Variants in BLVRB observed in about 807,000 individuals in gnomAD.
BLVRB encodes biliverdin reductase B.
Under a neutral mutation model 21.1 loss-of-function variants are expected in BLVRB, and 25 were observed. That is an observed-to-expected ratio of 1.19 (90% CI 0.86 to 1.66). The LOEUF (loss-of-function observed/expected upper bound fraction) is 1.66. BLVRB is among the 40% of genes most tolerant of loss of function. The pLI, the probability that BLVRB is intolerant of heterozygous loss-of-function variation, is 0.00. For missense variants in BLVRB, 274 were observed against 282.7 expected, an observed-to-expected ratio of 0.97 and a Z score of 0.22; for synonymous variants, 128 against 122.2, an observed-to-expected ratio of 1.05 and a Z score of -0.31.
At chr19:40,464,221 G>A (rs2079800675) in intron 1 of BLVRB, among the ~76,000 whole-genome samples, 1 of 151,982 alleles carries the variant, frequency 6.6e-6, no homozygotes, top group South Asian at 2.1e-4. Flanking sequence ...GAGTAGCTGG[G>A]ACTACAGGCA....
chr19:40,450,860 A>ATCTG (rs1314402909), intron 4 of BLVRB, among the ~76,000 whole-genome samples: 1 of 151,176 alleles, frequency 6.6e-6, no homozygotes, highest in East Asian at 2.0e-4. Context: ...CTATCTATCT[A>ATCTG]TCTATCTATC....
rs2079772536 is a variant in BLVRB, at chr19:40,458,477, C to CGTGG, written c.144_147dup (p.Val50ProfsTer32). The CGTGG allele has an allele frequency of 6.2e-7, 1 of 1,608,614 alleles. No individual in the cohort carries two copies. The highest frequency in any genetic ancestry group is 1.3e-5 in the African/African-American group (1 of 74,972). On this transcript the variant is annotated frameshift_variant, in exon 2 of 5. Transcript: ENST00000263368. LOFTEE classifies it high-confidence loss of function. The stretch of plus-strand genomic sequence containing the variant: ...GCCTGCAGAACATCTCCCACTACCA[C>CGTGG]GTGGGCCGGCCGGGGCCCCTCTGAT...
At position 40,449,558 on chromosome 19, in the gene BLVRB, A is replaced by C. The variant is rs948445347; in HGVS notation, c.464-1512T>G. Among the ~76,000 whole-genome samples, 65 of 152,206 alleles carry C rather than the reference A, an allele frequency of 4.3e-4. 1 individual carries two copies. The highest frequency in any genetic ancestry group is 1.5e-3 in the African/African-American group (64 of 41,530). Reference sequence around the variant, plus strand: ...ACCACGCTGGCCTGACAGTTGGGGAAATTTTACTACGGAGTGGATACTAAA... The same window carrying C: ...ACCACGCTGGCCTGACAGTTGGGGACATTTTACTACGGAGTGGATACTAAA... On this transcript the variant is annotated intron_variant, in intron 4 of 4. Coordinates refer to ENST00000263368, the MANE Select transcript of BLVRB (RefSeq NM_000713.3).
Position 40,458,196 on chromosome 19 carries a change from A to G in BLVRB, c.293T>C (p.Met98Thr), listed in dbSNP as rs1043786163. The G allele has an allele frequency of 1.2e-6, 2 of 1,613,214 alleles. No homozygotes were observed. The highest frequency in any genetic ancestry group is 8.5e-7 in the Non-Finnish European group (1 of 1,179,592). ...GACCTTGTCCACACCATGAGCCTTC[A>G]TGGCTGCCACAATGTTCCGGGCGCC... is the stretch of plus-strand genomic sequence containing the variant. ...SEGARNIVAA[M>T]KAHGVDKVVA... The change falls in exon 3 of 5, where the codon ATG becomes ACG. Residue 98 changes from methionine to threonine, a missense_variant. By Grantham distance (81) the Met-to-Thr change is moderately conservative. Transcript: ENST00000263368.
At position 40,465,731 on chromosome 19, in the gene BLVRB, G is replaced by A. The variant is rs773024145; in HGVS notation, c.-43C>T. On this transcript the variant is annotated 5_prime_UTR_variant, in exon 1 of 5. Coordinates refer to ENST00000263368, the MANE Select transcript of BLVRB (RefSeq NM_000713.3). Reference sequence around the variant, plus strand: ...GTGCAAGGCCTCAGAGTCTCGGCACGCGCGGGAACCCACTGGCTGCTGGGC... The same window carrying A: ...GTGCAAGGCCTCAGAGTCTCGGCACACGCGGGAACCCACTGGCTGCTGGGC... The A allele has an allele frequency of 4.4e-6, 7 of 1,597,406 alleles. No homozygotes were observed. The East Asian group carries it at 1.1e-4, about 26-fold the overall frequency.
chr19:40,454,704 C>T (rs1028805157), intron 3 of BLVRB, among the ~76,000 whole-genome samples: 1 of 152,182 alleles, frequency 6.6e-6, no homozygotes, highest in East Asian at 1.9e-4. Context: ...CGCCGCCACG[C>T]CTGGCTAATT....
intron 3 of BLVRB, among the ~76,000 whole-genome samples, chr19:40,455,674 G>A (rs1223639856): frequency 6.6e-6 from 1 of 152,132 alleles, no homozygotes; most frequent in Non-Finnish European, 1.5e-5. Context: ...TTCCGGCCTG[G>A]GTGACAGAAT....
At position 40,458,468 on chromosome 19, in the gene BLVRB, C is replaced by T; in HGVS notation, c.157G>A (p.Gly53Arg). ...EGPRPAHVVV[G>R]DVLQAADVDK... ...ACATCGGCTGCCTGCAGAACATCTC[C>T]CACTACCACGTGGGCCGGCCGGGGC... is the stretch of plus-strand genomic sequence containing the variant. The change falls in exon 2 of 5, where the codon GGA becomes AGA. Residue 53 changes from glycine (G) to arginine (R), a missense_variant. Transcript: ENST00000263368. The T allele has an allele frequency of 1.2e-6, 2 of 1,606,106 alleles. No individual in the cohort carries two copies. Among genetic ancestry groups the T allele is most frequent in the Non-Finnish European group, 1.7e-6 (2 of 1,176,964 alleles).
chr19:40,448,009 C>T lies in BLVRB; in HGVS notation c.501G>A (p.Leu167=), dbSNP rs1452468774. Residue 167 remains leucine, a synonymous_variant, in exon 5 of 5, where the codon CTG becomes CTA. Coordinates refer to ENST00000263368, the MANE Select transcript of BLVRB (RefSeq NM_000713.3). The part of the protein sequence containing the change: ...QPLTGAYTVT[L]DGRGPSRVIS... ...TGACCCTTGAGGGCCCTCGTCCATC[C>T]AGGGTCACTGTGTACGCCCCAGTTA... The T allele has an allele frequency of 3.1e-6, 5 of 1,614,046 alleles. No homozygotes were observed. The highest frequency in any genetic ancestry group is 4.2e-6 in the Non-Finnish European group (5 of 1,180,002).
At chr19:40,454,844 T>A (rs1424625116) in intron 3 of BLVRB, among the ~76,000 whole-genome samples, 1 of 145,036 alleles carries the variant, frequency 6.9e-6, no homozygotes, top group Admixed American at 6.9e-5. Flanking sequence ...AGCACCCGGC[T>A]GTTTTGTTGT....
intron 3 of BLVRB, among the ~76,000 whole-genome samples, chr19:40,452,429 T>C (rs919553305): frequency 6.6e-6 from 1 of 151,876 alleles, no homozygotes; most frequent in Non-Finnish European, 1.5e-5. Context: ...CCTCCTGCCT[T>C]AGCCTCCTGA....
At chr19:40,465,525 T>A in intron 1 of BLVRB, 85 bp downstream of exon 1, 2 of 1,512,524 alleles carry the variant, frequency 1.3e-6, no homozygotes, top group Non-Finnish European at 1.8e-6. Context: ...ATGGCCCCAA[T>A]CAGCCTCGGC....
intron 3 of BLVRB, among the ~76,000 whole-genome samples, chr19:40,457,085 A>G (rs2079765013): frequency 6.6e-6 from 1 of 150,836 alleles, no homozygotes; most frequent in Non-Finnish European, 1.5e-5. Context: ...TGCAGTGGGG[A>G]GGATCACTTG....
At position 40,465,714 on chromosome 19, in the gene BLVRB, C is replaced by A; in HGVS notation, c.-26G>T. The A allele has an allele frequency of 6.2e-7, 1 of 1,609,330 alleles. No homozygotes were observed. The highest frequency in any genetic ancestry group is 8.5e-7 in the Non-Finnish European group (1 of 1,177,472). On this transcript the variant is annotated 5_prime_UTR_variant, in exon 1 of 5. Transcript: ENST00000263368. ...CGTACGGGATCGTGGGGGTGCAAGG[C>A]CTCAGAGTCTCGGCACGCGCGGGAA...
At chr19:40,454,122 T>C (rs1376039148) in intron 3 of BLVRB, among the ~76,000 whole-genome samples, 1 of 152,164 alleles carries the variant, frequency 6.6e-6, no homozygotes, top group Non-Finnish European at 1.5e-5. Flanking sequence ...TGGTGGCACA[T>C]GCCTGTGGTC....
chr19:40,451,587 C>G (rs557668682), intron 3 of BLVRB, 95 bp from the exon 4 acceptor site: 2 of 1,405,318 alleles, frequency 1.4e-6, no homozygotes, highest in African/African-American at 2.9e-5. Flanking sequence ...AGGCTGAGTG[C>G]AGTGGCGCAA....
chr19:40,461,906 C>T (rs748234147), intron 1 of BLVRB, among the ~76,000 whole-genome samples: 1 of 152,198 alleles, frequency 6.6e-6, no homozygotes, highest in East Asian at 1.9e-4. Context: ...CCTCTTTACC[C>T]GGTCCCCCCA....
intron 4 of BLVRB, 65 bp from the exon 5 acceptor site, chr19:40,448,111 C>T (rs1048053975): frequency 1.3e-6 from 2 of 1,547,858 alleles, no homozygotes; most frequent in Non-Finnish European, 1.8e-6. Flanking sequence ...AAAATTCGAC[C>T]CCCAGAAAGA....
intron 3 of BLVRB, chr19:40,457,691 C>G (rs2079767607): frequency 1.3e-5 from 2 of 152,140 alleles, no homozygotes; most frequent in Admixed American, 1.3e-4. Context: ...AATGATTATA[C>G]AGGGCAACTA....
Sources: allele counts gnomAD v4.1 joint callset (sites outside exome capture counted in the v4.1 genomes callset), GRCh38; gene constraint gnomAD v4.1.1; transcripts MANE v1.5; gene names NCBI Gene and HGNC (gene_info 2026-07-23, HGNC 2026-07-21).